The following EVL variants were observed in gnomAD, a reference collection of about 807,000 sequenced individuals.
EVL encodes the protein Enah/Vasp-like, also known as ena/VASP-like protein.
In EVL, 21 loss-of-function variants were observed where a neutral mutation model predicts 59.6. The ratio of observed to expected loss-of-function variants is 0.35; its 90% CI spans 0.25 to 0.51. EVL has a LOEUF of 0.51. Among genes scored for constraint, EVL ranks in the 20% least tolerant of loss-of-function variants. The pLI, the probability that EVL is intolerant of heterozygous loss-of-function variation, is 0.97. For synonymous variants in EVL, 198 were observed against 203.5 expected (o/e 0.97, Z 0.23); for missense variants, 462 against 546.6 (o/e 0.85, Z 1.54).
At chr14:100,015,501 G>A (rs551180803) in intron 1 of EVL, among the ~76,000 whole-genome samples, 18 of 152,180 alleles carry the variant, frequency 1.2e-4, no homozygotes, top group Non-Finnish European at 2.2e-4. Flanking sequence ...GCTAGGGAGG[G>A]TATTCTTAGG....
Position 100,141,733 on chromosome 14 carries a change from C to T in EVL, c.1162-3C>T, listed in dbSNP as rs918170007. 2 of 1,613,236 alleles carry T rather than the reference C, an allele frequency of 1.2e-6. No homozygotes were observed. ...CTTCACCTGGACACTCCTCTCCCAA[C>T]AGGAGATCCTAGAGGAGGTGGTGAG... is the stretch of plus-strand genomic sequence containing the variant. On this transcript the variant is annotated splice_polypyrimidine_tract_variant and splice_region_variant and intron_variant, in intron 12 of 13. Coordinates refer to ENST00000392920, the MANE Select transcript of EVL (RefSeq NM_016337.3).
chr14:100,130,065 ACT>A lies in EVL; in HGVS notation c.839+384_839+385del, dbSNP rs1888334227. Among the ~76,000 whole-genome samples, 1 of 152,208 alleles carries A rather than the reference ACT, an allele frequency of 6.6e-6. No individual in the cohort carries two copies. The highest frequency in any genetic ancestry group is 6.5e-5 in the Admixed American group (1 of 15,282). ...CGCAGTGGTCGAGTTTGCAGAGGAC[ACT>A]CTGGTGAATGTGTGGTGAAGGCACC... On this transcript the variant is annotated intron_variant, in intron 7 of 13. Transcript: ENST00000392920. The surrounding 1 kb of genome is among the most constrained non-coding windows in gnomAD (Gnocchi z 4.8).
At chr14:100,118,221 T>C (rs900866012) in intron 3 of EVL, among the ~76,000 whole-genome samples, 6 of 152,096 alleles carry the variant, frequency 3.9e-5, no homozygotes, top group African/African-American at 1.4e-4. Flanking sequence ...TATGAGGAAG[T>C]GGGAGGGGAG....
At position 100,109,762 on chromosome 14, in the gene EVL, C is replaced by G. The variant is rs372534783; in HGVS notation, c.358+12104C>G. On this transcript the variant is annotated intron_variant, in intron 3 of 13. Coordinates refer to ENST00000392920, the MANE Select transcript of EVL (RefSeq NM_016337.3). This position sits in a 1 kb window ranked among gnomAD's most constrained non-coding sequence, Gnocchi z 4.3. ...TCACCTTGGCCTACTTATCACCACC[C>G]CAAACAGAGGAACACGCCTTCTCCA... The G allele has an allele frequency of 1.9e-6, 1 of 520,912 alleles. No homozygotes were observed. Among genetic ancestry groups the G allele is most frequent in the Non-Finnish European group, 4.0e-6 (1 of 252,306 alleles). The allele number at this position is 520,912 out of a possible 1,614,324, so 32.3% of individuals were successfully genotyped here.
chr14:100,055,503 A>C (rs1018854156), intron 1 of EVL, among the ~76,000 whole-genome samples: 2 of 152,212 alleles, frequency 1.3e-5, no homozygotes, highest in Non-Finnish European at 2.9e-5. Flanking sequence ...AACTTTCTGA[A>C]ATCTTGTATA....
In EVL at chr14:99,996,632, G is replaced by T. The variant is rs376049091; in HGVS notation, c.5+24575G>T. ...TGCAATATCTCCAAGAGGTAGGTATGATTACTACTCTCTTTTCCCCCTTCC... is the reference window on the plus strand; with the variant it reads ...TGCAATATCTCCAAGAGGTAGGTATTATTACTACTCTCTTTTCCCCCTTCC... On this transcript the variant is annotated intron_variant, in intron 1 of 13. Transcript: ENST00000402714. 5.3e-5 allele frequency among the ~76,000 whole-genome samples: 8 copies of T among 152,224 alleles called. No homozygotes were observed. In the East Asian group the frequency reaches 1.5e-3, roughly 29 times the overall value.
intron 2 of EVL, among the ~76,000 whole-genome samples, chr14:100,089,999 G>T (rs1268916244): frequency 6.6e-6 from 1 of 151,964 alleles, no homozygotes; most frequent in Non-Finnish European, 1.5e-5. Context: ...ATTAGAAAAA[G>T]AAGAGTATTT....
chr14:99,995,593 T>C (rs2060907976), intron 1 of EVL, among the ~76,000 whole-genome samples: 1 of 152,238 alleles, frequency 6.6e-6, no homozygotes, highest in Non-Finnish European at 1.5e-5. Flanking sequence ...TAAATCTATT[T>C]AGGGTTAGTT....
intron 1 of EVL, among the ~76,000 whole-genome samples, chr14:100,027,118 A>G (rs1486246257): frequency 6.6e-6 from 1 of 152,228 alleles, no homozygotes; most frequent in Non-Finnish European, 1.5e-5. Flanking sequence ...TTTAATTATT[A>G]TAGATACTAA....
intron 1 of EVL, among the ~76,000 whole-genome samples, chr14:100,023,899 C>T (rs559263173): frequency 5.6e-4 from 86 of 152,232 alleles, no homozygotes; most frequent in African/African-American, 2.0e-3. Flanking sequence ...TTCCTTCTAC[C>T]TCTGGACCCA....
At chr14:100,107,285 A>G (rs1247776279) in intron 3 of EVL, 5 of 398,576 alleles carry the variant, frequency 1.3e-5, no homozygotes, top group African/African-American at 8.2e-5. Flanking sequence ...CCCCAAGCTG[A>G]TGGCACTCGA....
At chr14:100,081,179 A>G (rs987193214) in intron 1 of EVL, among the ~76,000 whole-genome samples, 1 of 152,208 alleles carries the variant, frequency 6.6e-6, no homozygotes, top group African/African-American at 2.4e-5. Flanking sequence ...GGACAAATTA[A>G]ATTTATGATG....
Position 100,092,735 on chromosome 14 carries a change from C to CA in EVL, c.181-4739dup, listed in dbSNP as rs533570637. Among the ~76,000 whole-genome samples, 26 of 151,878 alleles carry CA rather than the reference C, an allele frequency of 1.7e-4. No individual in the cohort carries two copies. In the South Asian group the frequency reaches 5.2e-3, roughly 30 times the overall value. ...GGGTGACAGGAGCGAAACTCCATCT[C>CA]AAAAAAACAAACAAACAAACAAAAA... On this transcript the variant is annotated intron_variant, in intron 2 of 13. Coordinates refer to ENST00000392920, the MANE Select transcript of EVL (RefSeq NM_016337.3).
At chr14:100,053,541 G>A (rs2061679564) in intron 1 of EVL, among the ~76,000 whole-genome samples, 2 of 151,856 alleles carry the variant, frequency 1.3e-5, no homozygotes, top group South Asian at 4.2e-4. Flanking sequence ...TGGAATTTTT[G>A]AGCAAAGTTA....
intron 1 of EVL, among the ~76,000 whole-genome samples, chr14:100,048,755 C>CA (rs1004929983): frequency 4.1e-4 from 63 of 151,814 alleles, no homozygotes; most frequent in South Asian, 1.2e-3. Context: ...AAAAAACAAA[C>CA]AAAAAAAACA....
chr14:99,996,074 C>A (rs1013227623), intron 1 of EVL, among the ~76,000 whole-genome samples: 4 of 152,152 alleles, frequency 2.6e-5, no homozygotes, highest in African/African-American at 7.2e-5. Context: ...AGCTTCCCCC[C>A]TCCCCCACCA....
chr14:100,080,205 A>G (rs899087863), intron 1 of EVL, among the ~76,000 whole-genome samples: 3 of 152,168 alleles, frequency 2.0e-5, no homozygotes, highest in Non-Finnish European at 4.4e-5. Flanking sequence ...ATACACTAAC[A>G]TTAACAATAG....
intron 1 of EVL, among the ~76,000 whole-genome samples, chr14:99,993,784 T>G (rs1194911713): frequency 6.7e-6 from 1 of 150,184 alleles, no homozygotes; most frequent in Admixed American, 6.6e-5. Context: ...CCTCTGCTTC[T>G]GGGTTCAAGC....
chr14:100,038,653 A>G (rs2061421995), intron 1 of EVL, among the ~76,000 whole-genome samples: 1 of 152,234 alleles, frequency 6.6e-6, no homozygotes, highest in African/African-American at 2.4e-5. Flanking sequence ...AAGCTTAAAC[A>G]GAATAATGCT....
Sources: allele counts gnomAD v4.1 joint callset (sites outside exome capture counted in the v4.1 genomes callset), GRCh38; gene constraint gnomAD v4.1.1; non-coding constraint Gnocchi (gnomAD v3.1); transcripts MANE v1.5; gene names NCBI Gene and HGNC (gene_info 2026-07-23, HGNC 2026-07-21).